Variants in STK26 observed in about 807,000 individuals in gnomAD.
STK26 encodes serine/threonine-protein kinase 26.
Under a neutral mutation model 34.7 loss-of-function variants are expected in STK26, and 14 were observed. That is an observed-to-expected ratio of 0.40 (90% CI 0.27 to 0.63). The LOEUF (loss-of-function observed/expected upper bound fraction) is 0.63. Ranked by LOEUF, STK26 falls within the 30% of genes least tolerant of loss-of-function variation. The probability of loss-of-function intolerance (pLI) is 0.38; values close to 1 mark genes in which losing one functional copy is unlikely to be tolerated. For missense variants in STK26, 226 were observed against 309.1 expected, an observed-to-expected ratio of 0.73 and a Z score of 2.02; for synonymous variants, 100 against 109.8, an observed-to-expected ratio of 0.91 and a Z score of 0.56.
At chrX:132,030,364 T>C (rs191218693) in intron 2 of STK26, among the ~76,000 whole-genome samples, 2 of 110,287 alleles carry the variant, frequency 1.8e-5, no homozygotes, top group Non-Finnish European at 3.8e-5. Context: ...CAGGGTCCTC[T>C]CACTGGTGAT....
At chrX:132,063,407 T>C in intron 3 of STK26, 26 bp from the exon 4 acceptor site, 1 of 1,190,840 alleles carries the variant, frequency 8.4e-7, no homozygotes. Context: ...GGTTTGTAAT[T>C]ATTAAATTGT....
At chrX:132,031,808 A>C (rs1393909379) in intron 2 of STK26, among the ~76,000 whole-genome samples, 3 of 112,263 alleles carry the variant, frequency 2.7e-5, no homozygotes, top group Non-Finnish European at 5.6e-5. Flanking sequence ...TATTTATTGA[A>C]GATATTAACT....
chrX:132,074,329 A>G lies in STK26; in HGVS notation c.*170A>G. On this transcript the variant is annotated 3_prime_UTR_variant, in exon 12 of 12. Coordinates refer to ENST00000394334, the MANE Select transcript of STK26 (RefSeq NM_016542.4). ...TTTGTGATGGCGTTTATCATTTTAT[A>G]TTTTGAAAGGATTATTTTGTAAGGA... is the stretch of plus-strand genomic sequence containing the variant. 1 of 419,194 alleles carries G rather than the reference A, an allele frequency of 2.4e-6. No individual in the cohort carries two copies. Among genetic ancestry groups the G allele is most frequent in the South Asian group, 7.3e-5 (1 of 13,646 alleles). 34.5% of individuals were successfully genotyped at this position (419,194 alleles called of 1,213,427 possible).
At chrX:132,057,245 T>C (rs1282106146) in intron 3 of STK26, among the ~76,000 whole-genome samples, 1 of 111,432 alleles carries the variant, frequency 9.0e-6, no homozygotes, top group Non-Finnish European at 1.9e-5. Context: ...TTTGTAGTCA[T>C]GTATTCCTCT....
intron 2 of STK26, among the ~76,000 whole-genome samples, chrX:132,054,267 G>A (rs1006076293): frequency 3.6e-5 from 4 of 112,238 alleles, no homozygotes; most frequent in Non-Finnish European, 7.5e-5. Flanking sequence ...GTTCACCTTA[G>A]CTTAGGTTAG....
intron 4 of STK26, among the ~76,000 whole-genome samples, chrX:132,064,092 G>A (rs1927146526): frequency 8.9e-6 from 1 of 111,742 alleles, no homozygotes; most frequent in African/African-American, 3.3e-5. Flanking sequence ...ACCAGGAAGA[G>A]TGCCTTTACC....
chrX:132,071,874 T>G (rs1234893815), intron 8 of STK26, among the ~76,000 whole-genome samples: 1 of 111,769 alleles, frequency 8.9e-6, no homozygotes, highest in Non-Finnish European at 1.9e-5. Context: ...AATTGTCCAA[T>G]GTTGGAAAGG....
chrX:132,071,761 G>T (rs1927422250), intron 8 of STK26, among the ~76,000 whole-genome samples: 1 of 112,408 alleles, frequency 8.9e-6, no homozygotes, highest in Non-Finnish European at 1.9e-5. Flanking sequence ...GACTAGGAAA[G>T]TCTGTATGCT....
At chrX:132,057,756 G>C (rs1252733219) in intron 3 of STK26, among the ~76,000 whole-genome samples, 1 of 111,877 alleles carries the variant, frequency 8.9e-6, no homozygotes, top group Non-Finnish European at 1.9e-5. Context: ...ATGCATAGTA[G>C]AATGAATCAT....
At chrX:132,060,959 C>G (rs750459449) in intron 3 of STK26, among the ~76,000 whole-genome samples, 1 of 111,523 alleles carries the variant, frequency 9.0e-6, no homozygotes, top group African/African-American at 3.3e-5. Context: ...ATTTTCAGAT[C>G]TAGAAATTGA....
chrX:132,051,758 C>A (rs753249097), intron 2 of STK26, among the ~76,000 whole-genome samples: 1 of 109,873 alleles, frequency 9.1e-6, no homozygotes, highest in Non-Finnish European at 1.9e-5. Flanking sequence ...CCCCCACCCC[C>A]TGGCAGGCCC....
At chrX:132,034,215 G>T (rs1036170613) in intron 2 of STK26, among the ~76,000 whole-genome samples, 3 of 102,292 alleles carry the variant, frequency 2.9e-5, no homozygotes, top group Non-Finnish European at 5.9e-5. Context: ...GAGAGATTTG[G>T]TGTAGGTACC....
intron 2 of STK26, among the ~76,000 whole-genome samples, chrX:132,028,885 G>C (rs990744869): frequency 8.9e-6 from 1 of 112,090 alleles, no homozygotes. Flanking sequence ...ACCTCCCTAA[G>C]GGGATAATCA....
chrX:132,042,045 T>C (rs1165045852), intron 2 of STK26, among the ~76,000 whole-genome samples: 1 of 111,677 alleles, frequency 9.0e-6, no homozygotes, highest in Non-Finnish European at 1.9e-5. Context: ...TAATTTGTGC[T>C]TTGGTAATTT....
intron 2 of STK26, among the ~76,000 whole-genome samples, chrX:132,025,763 T>C (rs1414430887): frequency 9.0e-6 from 1 of 110,706 alleles, no homozygotes; most frequent in Non-Finnish European, 1.9e-5. Context: ...AGCACACAGT[T>C]TTTTCCATAG....
Position 132,057,712 on chromosome X carries a change from C to T in STK26, c.273+2851C>T, listed in dbSNP as rs761803753. On this transcript the variant is annotated intron_variant, in intron 3 of 11. Transcript: ENST00000394334. Reference sequence around the variant, plus strand: ...AATTTCACTGCCTGTTTACAAAACCCGACTTATTCTAATATTGGATGTATG... The same window carrying T: ...AATTTCACTGCCTGTTTACAAAACCTGACTTATTCTAATATTGGATGTATG... Among the ~76,000 whole-genome samples, 4 of 111,364 alleles carry T rather than the reference C, an allele frequency of 3.6e-5. No homozygotes were observed. In the South Asian group the frequency reaches 1.5e-3, roughly 43 times the overall value.
chrX:132,054,661 A>G lies in STK26; in HGVS notation c.73A>G (p.Thr25Ala). 1 of 1,211,584 alleles carries G rather than the reference A, an allele frequency of 8.3e-7. No homozygotes were observed. Among genetic ancestry groups the G allele is most frequent in the Non-Finnish European group, 1.1e-6 (1 of 895,281 alleles). Residue 25 changes from threonine to alanine, a missense_variant, in exon 3 of 12, where the codon ACA becomes GCA. By Grantham distance (58) the Thr-to-Ala change is moderately conservative. Transcript: ENST00000394334. ...NNIADPEELF[T>A]KLERIGKGSF... ...CATAGCTGATCCAGAAGAACTGTTC[A>G]CAAAATTAGAGCGCATTGGGAAAGG...
chrX:132,037,769 C>CTTTTTTTT (rs755403402), intron 2 of STK26, among the ~76,000 whole-genome samples: 1,586 of 51,697 alleles, frequency 0.031, 63 homozygotes, highest in Non-Finnish European at 0.043. Flanking sequence ...CGGAGAGCTG[C>CTTTTTTTT]TTTTTTTTTT....
chrX:132,040,987 C>T (rs776423273), intron 2 of STK26, among the ~76,000 whole-genome samples: 2 of 111,752 alleles, frequency 1.8e-5, no homozygotes, highest in South Asian at 3.7e-4. Flanking sequence ...TGCTGATTTC[C>T]TTTATCTCCA....
Sources: allele counts gnomAD v4.1 joint callset (sites outside exome capture counted in the v4.1 genomes callset), GRCh38; gene constraint gnomAD v4.1.1; transcripts MANE v1.5; gene names NCBI Gene and HGNC (gene_info 2026-07-23, HGNC 2026-07-21).